RAD51B: variants seen among roughly 807,000 people sequenced by gnomAD.
RAD51B encodes DNA repair protein RAD51 homolog 2.
RAD51B carries 38 observed loss-of-function variants against 42.2 expected under a neutral mutation model. The ratio of observed to expected loss-of-function variants is 0.90; its 90% CI spans 0.70 to 1.18. The LOEUF is 1.18. RAD51B is among the 50% of genes most tolerant of loss of function. The pLI, the probability that RAD51B is intolerant of heterozygous loss-of-function variation, is 0.00. For missense variants in RAD51B, 373 were observed against 400.7 expected (o/e 0.93, Z 0.59); for synonymous variants, 154 against 145.2 (o/e 1.06, Z -0.43).
chr14:68,313,462 TG>T (rs2081999210), intron 8 of RAD51B, among the ~76,000 whole-genome samples: 2 of 152,218 alleles, frequency 1.3e-5, no homozygotes, highest in African/African-American at 4.8e-5. Flanking sequence ...CCCTTCCAGC[TG>T]GGAAGCCGCC....
intron 7 of RAD51B, among the ~76,000 whole-genome samples, chr14:68,064,700 A>G (rs2140450192): frequency 6.6e-6 from 1 of 151,696 alleles, no homozygotes; most frequent in East Asian, 1.9e-4. Context: ...GAGTTATTTC[A>G]AAAACTTGTT....
intron 7 of RAD51B, among the ~76,000 whole-genome samples, chr14:67,985,934 A>G (rs2140280855): frequency 6.6e-6 from 1 of 152,150 alleles, no homozygotes; most frequent in South Asian, 2.1e-4. Context: ...TAAGAAAGAA[A>G]TAAAGAAAAG....
intron 10 of RAD51B, among the ~76,000 whole-genome samples, chr14:68,622,991 G>A (rs769134431): frequency 1.3e-5 from 2 of 152,192 alleles, no homozygotes; most frequent in Admixed American, 6.5e-5. Flanking sequence ...AGATCTGAAA[G>A]CGGAGACAGG....
intron 8 of RAD51B, among the ~76,000 whole-genome samples, chr14:68,345,659 C>CT (rs756255182): frequency 0.022 from 3,117 of 142,092 alleles, 48 homozygotes; most frequent in South Asian, 0.027. Context: ...GTGTTTCTTT[C>CT]TTTTTTTTTT....
chr14:68,540,216 A>G, intron 10 of RAD51B: 3 of 989,364 alleles, frequency 3.0e-6, no homozygotes, highest in Non-Finnish European at 3.6e-6. Flanking sequence ...GAGAATTCAA[A>G]TGATCTGCTC....
At chr14:67,977,043 A>G (rs1039405830) in intron 7 of RAD51B, among the ~76,000 whole-genome samples, 3 of 152,208 alleles carry the variant, frequency 2.0e-5, no homozygotes, top group African/African-American at 7.2e-5. Context: ...TTAGAATGGC[A>G]ATCATTAAAA....
At chr14:68,431,273 G>T (rs1222906217) in intron 9 of RAD51B, among the ~76,000 whole-genome samples, 1 of 152,190 alleles carries the variant, frequency 6.6e-6, no homozygotes, top group African/African-American at 2.4e-5. Flanking sequence ...CATAAAATGA[G>T]TTAGGGAGGA....
chr14:67,894,227 G>A (rs757553799), intron 7 of RAD51B, among the ~76,000 whole-genome samples: 9 of 152,126 alleles, frequency 5.9e-5, no homozygotes, highest in Non-Finnish European at 8.8e-5. Context: ...TAGTTACCTC[G>A]TTCCAGATGC....
chr14:68,151,565 C>G (rs2078380063), intron 7 of RAD51B, among the ~76,000 whole-genome samples: 1 of 151,706 alleles, frequency 6.6e-6, no homozygotes, highest in African/African-American at 2.4e-5. Flanking sequence ...TGAAATTGTC[C>G]CACAGCTCAC....
At chr14:67,952,855 G>GA (rs1020512261) in intron 7 of RAD51B, among the ~76,000 whole-genome samples, 2 of 151,750 alleles carry the variant, frequency 1.3e-5, no homozygotes, top group African/African-American at 2.4e-5. Flanking sequence ...AAAAGCAAAG[G>GA]AAAAAAGTTT....
intron 10 of RAD51B, among the ~76,000 whole-genome samples, chr14:68,621,621 A>G (rs1891950631): frequency 6.6e-6 from 1 of 152,228 alleles, no homozygotes; most frequent in African/African-American, 2.4e-5. Flanking sequence ...ACTGGCCCCC[A>G]GGGTCTGGGC....
At chr14:68,443,653 CAAAACCAA>C in intron 9 of RAD51B, among the ~76,000 whole-genome samples, 1 of 151,936 alleles carries the variant, frequency 6.6e-6, no homozygotes, top group Non-Finnish European at 1.5e-5. Flanking sequence ...TTCAAATGCT[CAAAACCAA>C]GACATGGGGT....
At chr14:68,085,532 T>G (rs567761581) in intron 7 of RAD51B, among the ~76,000 whole-genome samples, 1 of 152,260 alleles carries the variant, frequency 6.6e-6, no homozygotes, top group African/African-American at 2.4e-5. Context: ...TGGTTCTGAA[T>G]TCAGCTAAGA....
chr14:68,525,115 G>C (rs1886839600), intron 10 of RAD51B, among the ~76,000 whole-genome samples: 1 of 152,240 alleles, frequency 6.6e-6, no homozygotes, highest in South Asian at 2.1e-4. Context: ...ATGTGGAAGA[G>C]AGAGGCAGAA....
At chr14:67,885,800 T>C in intron 5 of RAD51B, 69 bp from the exon 6 acceptor site, 2 of 1,510,386 alleles carry the variant, frequency 1.3e-6, no homozygotes, top group Non-Finnish European at 1.8e-6. Context: ...TAAAATTAAT[T>C]AGAGATTCAG....
chr14:68,047,258 T>A (rs939048868), intron 7 of RAD51B, among the ~76,000 whole-genome samples: 4 of 152,154 alleles, frequency 2.6e-5, no homozygotes, highest in African/African-American at 9.7e-5. Context: ...ATAATGTTTA[T>A]GAGAAGAAAA....
chr14:68,160,049 T>C (rs1389343458), intron 7 of RAD51B, among the ~76,000 whole-genome samples: 3 of 149,774 alleles, frequency 2.0e-5, no homozygotes, highest in Non-Finnish European at 3.0e-5. Context: ...ACTCCTATTA[T>C]TAAAAAAAAA....
chr14:68,448,140 T>C (rs2085465960), intron 9 of RAD51B, among the ~76,000 whole-genome samples: 1 of 152,186 alleles, frequency 6.6e-6, no homozygotes, highest in South Asian at 2.1e-4. Flanking sequence ...GTAGATACTA[T>C]AGGGAGCTGA....
At chr14:68,656,567 G>A (rs1286234524) in intron 11 of RAD51B, among the ~76,000 whole-genome samples, 1 of 152,074 alleles carries the variant, frequency 6.6e-6, no homozygotes. Flanking sequence ...GGGGTGCAGA[G>A]CAGCTCCGGG....
Sources: gnomAD v4.1 joint callset for allele counts (sites outside exome capture counted in the v4.1 genomes callset) on GRCh38, gnomAD v4.1.1 for gene constraint, MANE v1.5 for transcripts, NCBI Gene and HGNC (gene_info 2026-07-23, HGNC 2026-07-21) for gene names.